NRXN3: variants seen among roughly 807,000 people sequenced by gnomAD.
NRXN3 encodes neurexin III.
Under a neutral mutation model 137.6 loss-of-function variants are expected in NRXN3, and 32 were observed. The ratio of observed to expected loss-of-function variants is 0.23; its 90% CI spans 0.18 to 0.31. The LOEUF is 0.31. NRXN3 is among the 10% of genes least tolerant of loss of function. The pLI is 1.00. For missense variants in NRXN3, 1,574 were observed against 2,062.5 expected (o/e 0.76, Z 4.59); for synonymous variants, 798 against 784.5 (o/e 1.02, Z -0.29).
At chr14:78,695,249 A>C (rs1167788290) in intron 6 of NRXN3, 1 of 152,028 alleles carries the variant, frequency 6.6e-6, no homozygotes, top group African/African-American at 2.4e-5. Context: ...GGATAGTCTC[A>C]CCTCAAGATC....
At chr14:79,514,397 C>G (rs558466228) in intron 16 of NRXN3, among the ~76,000 whole-genome samples, 16 of 152,180 alleles carry the variant, frequency 1.1e-4, no homozygotes, top group Non-Finnish European at 4.4e-5. Flanking sequence ...TTCTGCTTGC[C>G]ATTTTCCTCA....
chr14:79,134,217 T>A (rs1239087764), intron 15 of NRXN3, among the ~76,000 whole-genome samples: 1 of 152,160 alleles, frequency 6.6e-6, no homozygotes, highest in Non-Finnish European at 1.5e-5. Context: ...CCACCTATTC[T>A]CAGCAGGCAG....
At chr14:79,009,660 T>C (rs576301750) in intron 15 of NRXN3, among the ~76,000 whole-genome samples, 2 of 152,288 alleles carry the variant, frequency 1.3e-5, no homozygotes, top group East Asian at 3.9e-4. Context: ...CTGTCCTTTT[T>C]CCCATTTTTG....
At chr14:79,754,265 C>T (rs1369331562) in intron 19 of NRXN3, among the ~76,000 whole-genome samples, 2 of 151,792 alleles carry the variant, frequency 1.3e-5, no homozygotes, top group African/African-American at 4.8e-5. Flanking sequence ...TCACTTAAAC[C>T]AGGGAGAGGC....
intron 15 of NRXN3, among the ~76,000 whole-genome samples, chr14:79,371,778 C>A (rs1265379454): frequency 6.6e-6 from 1 of 151,880 alleles, no homozygotes; most frequent in African/African-American, 2.4e-5. Flanking sequence ...ATGGTACTGC[C>A]CATTTTATTT....
intron 4 of NRXN3, among the ~76,000 whole-genome samples, chr14:78,313,342 C>T (rs1039218570): frequency 7.9e-5 from 12 of 152,276 alleles, no homozygotes; most frequent in Admixed American, 5.9e-4. Context: ...GCTGCATTCC[C>T]ATTTACTGGC....
chr14:79,323,271 G>C (rs2090343586), intron 15 of NRXN3, among the ~76,000 whole-genome samples: 1 of 152,020 alleles, frequency 6.6e-6, no homozygotes, highest in African/African-American at 2.4e-5. Flanking sequence ...TGAACTTCTG[G>C]GCTCAAGTAA....
chr14:79,153,997 T>C (rs749601582), intron 15 of NRXN3, among the ~76,000 whole-genome samples: 23 of 152,016 alleles, frequency 1.5e-4, no homozygotes, highest in Non-Finnish European at 2.9e-4. Context: ...GATTAGTCAT[T>C]GCCCAAAGAG....
At chr14:78,390,774 T>A (rs1001096351) in intron 4 of NRXN3, among the ~76,000 whole-genome samples, 6 of 152,214 alleles carry the variant, frequency 3.9e-5, no homozygotes, top group Non-Finnish European at 8.8e-5. Context: ...TAGATAATCT[T>A]TTTAAAAATG....
At chr14:78,806,005 T>C (rs2098865009) in intron 9 of NRXN3, among the ~76,000 whole-genome samples, 1 of 151,882 alleles carries the variant, frequency 6.6e-6, no homozygotes, top group African/African-American at 2.4e-5. Context: ...TTTTAAACTC[T>C]AGTCAAAGTC....
chr14:79,824,083 G>A (rs574888042), intron 20 of NRXN3, among the ~76,000 whole-genome samples: 2 of 152,264 alleles, frequency 1.3e-5, no homozygotes, highest in East Asian at 3.9e-4. Flanking sequence ...CCCAGCTTCA[G>A]GTGTTGTGTA....
At chr14:78,960,676 G>A (rs1373676958) in intron 11 of NRXN3, among the ~76,000 whole-genome samples, 4 of 152,148 alleles carry the variant, frequency 2.6e-5, no homozygotes, top group Non-Finnish European at 5.9e-5. Context: ...CAGAATTGGG[G>A]CCTAATGCTG....
chr14:78,211,498 C>T (rs868649347), intron 1 of NRXN3, among the ~76,000 whole-genome samples: 2 of 152,238 alleles, frequency 1.3e-5, no homozygotes, highest in African/African-American at 2.4e-5. Context: ...CCTGGGCCCT[C>T]TCAGGCAGCT....
chr14:79,436,516 G>T (rs781236888), intron 15 of NRXN3, among the ~76,000 whole-genome samples: 3 of 152,074 alleles, frequency 2.0e-5, no homozygotes, highest in Admixed American at 6.6e-5. Flanking sequence ...GTATGCCACT[G>T]GCTTGTTTCT....
intron 15 of NRXN3, among the ~76,000 whole-genome samples, chr14:79,348,818 T>G (rs556277093): frequency 3.3e-5 from 5 of 152,320 alleles, no homozygotes; most frequent in African/African-American, 9.6e-5. Flanking sequence ...TTCTGCATGA[T>G]CAATTACTGC....
chr14:78,650,675 TAAAAGAAAAGAA>T (rs1419021994), intron 5 of NRXN3, among the ~76,000 whole-genome samples: 12 of 149,488 alleles, frequency 8.0e-5, no homozygotes, highest in Non-Finnish European at 1.2e-4. Context: ...ACAATAAAGA[TAAAAGAAAAGAA>T]AAAAGAAAAG....
At chr14:79,379,489 C>T (rs1177440232) in intron 15 of NRXN3, among the ~76,000 whole-genome samples, 1 of 152,102 alleles carries the variant, frequency 6.6e-6, no homozygotes, top group African/African-American at 2.4e-5. Context: ...ATAGCAGGTG[C>T]GTAGCTCAGG....
chr14:78,326,353 A>G (rs532084294), intron 4 of NRXN3, among the ~76,000 whole-genome samples: 1 of 152,332 alleles, frequency 6.6e-6, no homozygotes, highest in East Asian at 1.9e-4. Flanking sequence ...GAGTCTGAGA[A>G]GGGCACCATT....
chr14:79,130,064 A>G (rs1270136047), intron 15 of NRXN3, among the ~76,000 whole-genome samples: 6 of 151,920 alleles, frequency 3.9e-5, no homozygotes, highest in Non-Finnish European at 8.8e-5. Flanking sequence ...TTTTGAGCCT[A>G]TGTGTGTCTC....
Sources: allele counts gnomAD v4.1 joint callset (sites outside exome capture counted in the v4.1 genomes callset), GRCh38; gene constraint gnomAD v4.1.1; transcripts MANE v1.5; gene names NCBI Gene and HGNC (gene_info 2026-07-23, HGNC 2026-07-21).